FAF1: variants seen among roughly 807,000 people sequenced by gnomAD.
The protein encoded by FAF1 is FAS-associated factor 1.
A neutral mutation model predicts 92.5 loss-of-function variants in FAF1; 25 were observed. The observed-to-expected ratio is 0.27, with a 90% CI of 0.20 to 0.38. The LOEUF (loss-of-function observed/expected upper bound fraction) is 0.38. Ranked by LOEUF, FAF1 falls within the 10% of genes least tolerant of loss-of-function variation. FAF1 has a pLI of 1.00. For missense variants in FAF1, 636 were observed against 793.3 expected (o/e 0.80, Z 2.38); for synonymous variants, 234 against 273.2 (o/e 0.86, Z 1.42).
chr1:50,921,214 G>A (rs1339168460), intron 1 of FAF1, among the ~76,000 whole-genome samples: 1 of 152,186 alleles, frequency 6.6e-6, no homozygotes, highest in East Asian at 1.9e-4. Context: ...GCCATCACAG[G>A]GCCTAGGGAC....
Position 50,658,530 on chromosome 1 carries a change from T to C in FAF1, c.658-3002A>G, listed in dbSNP as rs181186388. 2.0e-5 allele frequency among the ~76,000 whole-genome samples: 3 copies of C among 152,350 alleles called. No individual in the cohort carries two copies. The East Asian group carries it at 5.8e-4, about 29-fold the overall frequency. On this transcript the variant is annotated intron_variant, in intron 7 of 18. Transcript: ENST00000396153. ...GAATTGAATAACATTCCTTTGCTAT[T>C]CTAAGCCTGAAAAGCATGTCCTGGC...
chr1:50,805,983 T>C (rs1163915982), intron 2 of FAF1, among the ~76,000 whole-genome samples: 2 of 151,740 alleles, frequency 1.3e-5, no homozygotes, highest in Admixed American at 6.6e-5. Context: ...GTCACAACAA[T>C]GGGTAGGCAA....
intron 7 of FAF1, among the ~76,000 whole-genome samples, chr1:50,688,669 G>A (rs78523737): frequency 1.4e-4 from 22 of 152,006 alleles, no homozygotes; most frequent in African/African-American, 4.3e-4. Flanking sequence ...AAAATTAGCC[G>A]GGCGTTGTGG....
At chr1:50,669,077 C>G (rs1209809993) in intron 7 of FAF1, among the ~76,000 whole-genome samples, 3 of 152,160 alleles carry the variant, frequency 2.0e-5, no homozygotes, top group Non-Finnish European at 4.4e-5. Context: ...TATTCTACCT[C>G]CCTTGTTTAA....
At chr1:50,795,264 G>C (rs1254572453) in intron 3 of FAF1, among the ~76,000 whole-genome samples, 1 of 152,168 alleles carries the variant, frequency 6.6e-6, no homozygotes, top group Non-Finnish European at 1.5e-5. Context: ...CATCATGGAG[G>C]GGGCAGTGAT....
At chr1:50,670,276 T>A (rs1054226509) in intron 7 of FAF1, among the ~76,000 whole-genome samples, 3 of 152,092 alleles carry the variant, frequency 2.0e-5, no homozygotes, top group African/African-American at 7.2e-5. Context: ...TTTGTAGCGA[T>A]GGGATTTCGC....
At chr1:50,866,114 A>G (rs1644479835) in intron 1 of FAF1, among the ~76,000 whole-genome samples, 1 of 152,174 alleles carries the variant, frequency 6.6e-6, no homozygotes, top group Non-Finnish European at 1.5e-5. Context: ...GATAATCTCA[A>G]TAGATGCAGG....
At chr1:50,870,505 C>T (rs186264015) in intron 1 of FAF1, among the ~76,000 whole-genome samples, 6 of 152,334 alleles carry the variant, frequency 3.9e-5, no homozygotes, top group South Asian at 2.1e-4. Context: ...ATCCCTGCAT[C>T]GAGCAAGTCC....
At chr1:50,555,248 CACACACACACACACACCCCAGGACTCTG>C (rs981754474) in intron 13 of FAF1, among the ~76,000 whole-genome samples, 1 of 148,654 alleles carries the variant, frequency 6.7e-6, no homozygotes, top group Non-Finnish European at 1.5e-5. Flanking sequence ...AGGACCCTGA[CACACACACACACACACCCCAGGACTCTG>C]ACACACACAC....
At chr1:50,810,216 T>C (rs1035969586) in intron 2 of FAF1, among the ~76,000 whole-genome samples, 1 of 151,868 alleles carries the variant, frequency 6.6e-6, no homozygotes, top group Non-Finnish European at 1.5e-5. Context: ...GATTGCACCA[T>C]TGCACTCCAG....
chr1:50,893,806 G>A (rs1644737868), intron 1 of FAF1, among the ~76,000 whole-genome samples: 1 of 152,204 alleles, frequency 6.6e-6, no homozygotes, highest in Admixed American at 6.5e-5. Context: ...CCTTAGGGCA[G>A]GTCCAGGGAT....
chr1:50,745,334 T>C (rs1179983453), intron 4 of FAF1, among the ~76,000 whole-genome samples: 1 of 151,852 alleles, frequency 6.6e-6, no homozygotes, highest in Admixed American at 6.6e-5. Context: ...ATAAAGCTAA[T>C]ATATAGATAA....
At chr1:50,626,007 T>C (rs1421053910) in intron 8 of FAF1, among the ~76,000 whole-genome samples, 1 of 152,190 alleles carries the variant, frequency 6.6e-6, no homozygotes. Context: ...GACAGATCAA[T>C]AGATCAAAAG....
intron 4 of FAF1, among the ~76,000 whole-genome samples, chr1:50,765,101 C>G (rs1660513728): frequency 6.6e-6 from 1 of 152,116 alleles, no homozygotes; most frequent in Non-Finnish European, 1.5e-5. Context: ...CTAGAATTTT[C>G]CAGGGCATAG....
chr1:50,727,736 C>T (rs1017713573), intron 6 of FAF1, among the ~76,000 whole-genome samples: 8 of 152,156 alleles, frequency 5.3e-5, no homozygotes, highest in African/African-American at 1.2e-4. Context: ...GAGAGGCAGA[C>T]CCACCCTCAA....
At chr1:50,577,424 C>T (rs906838811) in intron 12 of FAF1, among the ~76,000 whole-genome samples, 2 of 152,184 alleles carry the variant, frequency 1.3e-5, no homozygotes, top group African/African-American at 4.8e-5. Flanking sequence ...ACTCAGGAGG[C>T]TGAGGCAGGA....
At chr1:50,760,987 A>G (rs1660302493) in intron 4 of FAF1, among the ~76,000 whole-genome samples, 1 of 152,224 alleles carries the variant, frequency 6.6e-6, no homozygotes, top group Non-Finnish European at 1.5e-5. Context: ...TAAATGCAAT[A>G]AAAAATGATA....
At chr1:50,956,382 A>G (rs868343338) in intron 1 of FAF1, among the ~76,000 whole-genome samples, 13 of 152,298 alleles carry the variant, frequency 8.5e-5, no homozygotes, top group Non-Finnish European at 1.2e-4. Flanking sequence ...AAATACAAAA[A>G]TCCTTCTCAA....
At chr1:50,459,128 C>T (rs1036554514) in intron 18 of FAF1, among the ~76,000 whole-genome samples, 6 of 152,034 alleles carry the variant, frequency 3.9e-5, no homozygotes, top group Non-Finnish European at 8.8e-5. Flanking sequence ...TGTGCCACCA[C>T]ACCTGGCTAA....
Sources: allele counts gnomAD v4.1 joint callset (sites outside exome capture counted in the v4.1 genomes callset), GRCh38; gene constraint gnomAD v4.1.1; transcripts MANE v1.5; gene names NCBI Gene and HGNC (gene_info 2026-07-23, HGNC 2026-07-21).